The following ZNF10 variants were observed in gnomAD, a reference collection of about 807,000 sequenced individuals.
ZNF10 encodes zinc finger protein 10, also known as zinc finger protein 10 (KOX 1).
Under a neutral mutation model 12.2 loss-of-function variants are expected in ZNF10, and 8 were observed. The observed-to-expected ratio is 0.66, with a 90% CI of 0.39 to 1.18. ZNF10 has a LOEUF of 1.18. ZNF10 is among the 50% of genes most tolerant of loss of function. The pLI is 0.01. For synonymous variants in ZNF10, 229 were observed against 228.2 expected, an observed-to-expected ratio of 1.00 and a Z score of -0.03; for missense variants, 603 against 678.9, an observed-to-expected ratio of 0.89 and a Z score of 1.24.
chr12:133,151,394 C>A (rs1956006553), intron 3 of ZNF10, among the ~76,000 whole-genome samples: 1 of 152,112 alleles, frequency 6.6e-6, no homozygotes, highest in South Asian at 2.1e-4. Flanking sequence ...GCCTGTAATT[C>A]CAGCACTTTG....
chr12:133,151,994 T>A, intron 4 of ZNF10, 90 bp downstream of exon 4: 1 of 928,254 alleles, frequency 1.1e-6, no homozygotes, highest in Non-Finnish European at 1.7e-6. Context: ...CTGGCCCTCC[T>A]CACAGGCCCT....
At chr12:133,140,202 CAAAAAAAAAAA>C (rs67577219) in intron 1 of ZNF10, among the ~76,000 whole-genome samples, 3 of 35,212 alleles carry the variant, frequency 8.5e-5, no homozygotes, top group Non-Finnish European at 2.1e-4. Flanking sequence ...GACCCTGTCT[CAAAAAAAAAAA>C]AAAAAAAAAA....
At chr12:133,148,754 T>TG (rs1274512242) in intron 2 of ZNF10, among the ~76,000 whole-genome samples, 3 of 148,510 alleles carry the variant, frequency 2.0e-5, no homozygotes, top group Non-Finnish European at 4.5e-5. Context: ...AATGTTGGTT[T>TG]TTTTTTTTTT....
At chr12:133,145,805 A>AC (rs1163271406) in intron 2 of ZNF10, among the ~76,000 whole-genome samples, 16 of 31,462 alleles carry the variant, frequency 5.1e-4, no homozygotes, top group Admixed American at 8.2e-4. Flanking sequence ...ACTCTGTCCC[A>AC]CCCCCCCACC....
chr12:133,154,244 T>C (rs926528872), intron 4 of ZNF10, among the ~76,000 whole-genome samples: 19 of 152,122 alleles, frequency 1.2e-4, no homozygotes, highest in African/African-American at 4.3e-4. Context: ...CTGAAAGACA[T>C]TGAGAAACAG....
intron 1 of ZNF10, among the ~76,000 whole-genome samples, chr12:133,143,195 G>A (rs1365122888): frequency 1.3e-5 from 2 of 152,268 alleles, no homozygotes; most frequent in African/African-American, 2.4e-5. Flanking sequence ...GGGAGAATAT[G>A]GAGTTACCAC....
intron 3 of ZNF10, 70 bp downstream of exon 3, chr12:133,151,224 G>T: frequency 6.7e-7 from 1 of 1,486,452 alleles, no homozygotes; most frequent in Middle Eastern, 2.1e-4. Flanking sequence ...CCTGAAGCAT[G>T]TATCACACCA....
rs372948850 is a variant in ZNF10, at chr12:133,156,063, T to C, written c.817T>C (p.Phe273Leu). The C allele has an allele frequency of 6.2e-7, 1 of 1,613,312 alleles. No homozygotes were observed. The highest frequency in any genetic ancestry group is 1.3e-5 in the African/African-American group (1 of 74,920). ...KPYECKECGK[F>L]FSWRSNLTRH... ...CTATGAATGTAAGGAATGTGGAAAA[T>C]TCTTCAGCTGGCGCTCTAATCTTAC... The change falls in exon 5 of 5, where the codon TTC becomes CTC. Residue 273 changes from phenylalanine (F) to leucine (L), a missense_variant. Physicochemically the swap from Phe to Leu is conservative, Grantham distance 22. Transcript: ENST00000248211.
intron 2 of ZNF10, among the ~76,000 whole-genome samples, chr12:133,145,698 C>T (rs1230698020): frequency 3.3e-5 from 5 of 151,948 alleles, no homozygotes; most frequent in East Asian, 3.9e-4. Flanking sequence ...CTAGCTACTC[C>T]GGAGGCTGAG....
intron 2 of ZNF10, among the ~76,000 whole-genome samples, chr12:133,146,907 T>C (rs1257528195): frequency 1.3e-5 from 2 of 151,894 alleles, no homozygotes; most frequent in Non-Finnish European, 2.9e-5. Context: ...CCCTGTGTGC[T>C]GCCCCTGTGT....
chr12:133,144,242 T>G, intron 1 of ZNF10, 192 bp from the exon 2 acceptor site: 3 of 349,192 alleles, frequency 8.6e-6, no homozygotes, highest in Non-Finnish European at 1.0e-5. Context: ...AAAAATGCAA[T>G]TTATGTAGCT....
At chr12:133,146,863 C>G (rs1305415556) in intron 2 of ZNF10, among the ~76,000 whole-genome samples, 1 of 151,836 alleles carries the variant, frequency 6.6e-6, no homozygotes, top group African/African-American at 2.4e-5. Flanking sequence ...AAACAAAACA[C>G]CAAGATACAG....
At chr12:133,135,859 C>T (rs748358201) in intron 1 of ZNF10, among the ~76,000 whole-genome samples, 6 of 152,238 alleles carry the variant, frequency 3.9e-5, no homozygotes, top group African/African-American at 1.4e-4. Context: ...GTTCAGGCAG[C>T]GAGTGCTGCT....
chr12:133,133,677 G>C lies in ZNF10; in HGVS notation c.-60+2923G>C, dbSNP rs77732240. ...AGAGAATATGGGGCAAGTGTAGTGG[G>C]AGTTAAGTTGAAAAGGGTCCAGAAC... On this transcript the variant is annotated intron_variant, in intron 1 of 4. Coordinates refer to ENST00000248211, the MANE Select transcript of ZNF10 (RefSeq NM_015394.5). Among the ~76,000 whole-genome samples the C allele has an allele frequency of 3.4e-3, 525 of 152,288 alleles. 4 individuals carry two copies. Among genetic ancestry groups the C allele is most frequent in the African/African-American group, 0.012 (506 of 41,562 alleles).
intron 1 of ZNF10, among the ~76,000 whole-genome samples, chr12:133,133,872 A>C (rs547190374): frequency 2.0e-4 from 31 of 152,222 alleles, no homozygotes; most frequent in African/African-American, 7.5e-4. Flanking sequence ...TATCCCCAGC[A>C]CCTGGGAATA....
intron 1 of ZNF10, among the ~76,000 whole-genome samples, chr12:133,134,026 C>T (rs536951288): frequency 1.1e-4 from 17 of 151,872 alleles, no homozygotes; most frequent in South Asian, 1.0e-3. Flanking sequence ...TGGCCGGGCA[C>T]GGTGGCTCAC....
At chr12:133,149,851 T>C (rs1161494790) in intron 2 of ZNF10, among the ~76,000 whole-genome samples, 1 of 152,174 alleles carries the variant, frequency 6.6e-6, no homozygotes, top group African/African-American at 2.4e-5. Flanking sequence ...AGTATTTCAC[T>C]TAATGTCTTG....
chr12:133,140,186 G>A (rs1252741205), intron 1 of ZNF10, among the ~76,000 whole-genome samples: 1 of 120,016 alleles, frequency 8.3e-6, no homozygotes. Context: ...CTGGATGACA[G>A]AGTAAGACCC....
intron 1 of ZNF10, among the ~76,000 whole-genome samples, chr12:133,133,722 G>A (rs778627091): frequency 1.2e-4 from 18 of 152,122 alleles, no homozygotes; most frequent in Non-Finnish European, 2.5e-4. Context: ...AAACTTGTAC[G>A]CTAAGTGTTT....
Sources: gnomAD v4.1 joint callset for allele counts (sites outside exome capture counted in the v4.1 genomes callset) on GRCh38, gnomAD v4.1.1 for gene constraint, MANE v1.5 for transcripts, NCBI Gene and HGNC (gene_info 2026-07-23, HGNC 2026-07-21) for gene names.